Variants in PACSIN2 observed in about 807,000 individuals in gnomAD.
PACSIN2 encodes the protein protein kinase C and casein kinase substrate in neurons 2, also known as protein kinase C and casein kinase substrate in neurons protein 2.
A neutral mutation model predicts 63.8 loss-of-function variants in PACSIN2; 25 were observed. The ratio of observed to expected loss-of-function variants is 0.39; its 90% CI spans 0.29 to 0.55. PACSIN2 has a LOEUF of 0.55. Ranked by LOEUF, PACSIN2 falls within the 20% of genes least tolerant of loss-of-function variation. PACSIN2 has a pLI of 0.62. For missense variants in PACSIN2, 518 were observed against 646.9 expected (o/e 0.80, Z 2.16); for synonymous variants, 255 against 256.2 (o/e 1.00, Z 0.05).
intron 1 of PACSIN2, among the ~76,000 whole-genome samples, chr22:42,978,726 A>G (rs959831665): frequency 1.3e-5 from 2 of 152,194 alleles, no homozygotes; most frequent in Non-Finnish European, 2.9e-5. Flanking sequence ...CATATTCAAA[A>G]GTATGTTTGC....
chr22:42,915,521 A>AC, intron 1 of PACSIN2, among the ~76,000 whole-genome samples: 1 of 152,310 alleles, frequency 6.6e-6, no homozygotes, highest in African/African-American at 2.4e-5. Context: ...CCCCACGGGT[A>AC]TCCCCTGTGG....
rs548191237 is a variant in PACSIN2 at position 42,927,588 on chromosome 22, TTTAG to T, written c.-77-15435_-77-15432del. Reference sequence around the variant, plus strand: ...ATTTATTTATTTAGTTATTTAGTTATTTAGTTAGTTATTTTTGAGACTGAGTTTT... The same window carrying T: ...ATTTATTTATTTAGTTATTTAGTTATTTAGTTATTTTTGAGACTGAGTTTT... On this transcript the variant is annotated intron_variant, in intron 1 of 10. Coordinates refer to ENST00000263246, the MANE Select transcript of PACSIN2 (RefSeq NM_001184970.3). 5.0e-3 allele frequency among the ~76,000 whole-genome samples: 753 copies of T among 150,604 alleles called. 6 individuals carry two copies. The highest frequency in any genetic ancestry group is 0.018 in the African/African-American group (733 of 41,052).
chr22:42,932,952 C>T (rs80081809), intron 1 of PACSIN2, among the ~76,000 whole-genome samples: 2,585 of 152,280 alleles, frequency 0.017, 80 homozygotes, highest in African/African-American at 0.06. Flanking sequence ...ATCAGAGGAA[C>T]CAACTGTGTT....
intron 5 of PACSIN2, among the ~76,000 whole-genome samples, chr22:42,887,708 C>G (rs920206040): frequency 6.6e-6 from 1 of 152,138 alleles, no homozygotes; most frequent in Non-Finnish European, 1.5e-5. Flanking sequence ...AATCACAAGA[C>G]GATGACGCTG....
chr22:42,907,692 G>A (rs148593220), intron 2 of PACSIN2, among the ~76,000 whole-genome samples: 2 of 152,376 alleles, frequency 1.3e-5, no homozygotes, highest in Non-Finnish European at 2.9e-5. Flanking sequence ...CTTCGTGCTT[G>A]CGCTCAGGGC....
intron 10 of PACSIN2, among the ~76,000 whole-genome samples, chr22:42,873,546 T>A (rs1190606252): frequency 1.3e-5 from 2 of 152,216 alleles, no homozygotes; most frequent in Non-Finnish European, 2.9e-5. Flanking sequence ...AGGCCCTGGC[T>A]TCCCTGCTGA....
Position 42,871,297 on chromosome 22 carries a change from G to A in PACSIN2, c.*60C>T, listed in dbSNP as rs1265331438. 2.0e-6 allele frequency: 2 copies of A among 1,009,354 alleles called. No individual in the cohort carries two copies. Among genetic ancestry groups the A allele is most frequent in the Non-Finnish European group, 3.2e-6 (2 of 631,254 alleles). 62.5% of individuals were successfully genotyped at this position (1,009,354 alleles called of 1,614,324 possible). The stretch of plus-strand genomic sequence containing the variant: ...CAGGAAAAGGAGTGGATGCCCACGT[G>A]GCTGGCTGAGGCTCCTGGGCCCGCC... On this transcript the variant is annotated 3_prime_UTR_variant, in exon 11 of 11. Transcript: ENST00000263246. The surrounding 1 kb of genome is among the most constrained non-coding windows in gnomAD (Gnocchi z 5.4).
intron 1 of PACSIN2, among the ~76,000 whole-genome samples, chr22:42,949,605 G>A (rs1005397551): frequency 6.6e-6 from 1 of 151,810 alleles, no homozygotes; most frequent in Non-Finnish European, 1.5e-5. Flanking sequence ...TATCTGAGAA[G>A]CCCTGAAGAA....
At chr22:42,887,034 A>G in intron 5 of PACSIN2, among the ~76,000 whole-genome samples, 1 of 152,172 alleles carries the variant, frequency 6.6e-6, no homozygotes, top group East Asian at 1.9e-4. Flanking sequence ...CTTTTTGGGC[A>G]CCTGATTCCC....
At chr22:42,981,800 A>T (rs1922171074) in intron 1 of PACSIN2, among the ~76,000 whole-genome samples, 1 of 120,870 alleles carries the variant, frequency 8.3e-6, no homozygotes, top group South Asian at 2.9e-4. Flanking sequence ...CCGCCCGGCC[A>T]GCCGCCCAGT....
intron 1 of PACSIN2, among the ~76,000 whole-genome samples, chr22:42,968,955 C>A (rs1352171791): frequency 6.6e-6 from 1 of 152,132 alleles, no homozygotes; most frequent in Non-Finnish European, 1.5e-5. Flanking sequence ...CCAGAGTCTC[C>A]AGCTTGCAGG....
At chr22:42,946,438 C>T (rs1162310923) in intron 1 of PACSIN2, among the ~76,000 whole-genome samples, 1 of 152,226 alleles carries the variant, frequency 6.6e-6, no homozygotes, top group Non-Finnish European at 1.5e-5. Flanking sequence ...CACGGGCTCA[C>T]CCACTACTTG....
At chr22:42,970,046 A>G (rs1379858653) in intron 1 of PACSIN2, among the ~76,000 whole-genome samples, 2 of 152,164 alleles carry the variant, frequency 1.3e-5, no homozygotes, top group African/African-American at 4.8e-5. Flanking sequence ...ACCCAAATGC[A>G]TCTCCACCTG....
At chr22:42,909,367 G>A (rs1414554642) in intron 2 of PACSIN2, 1 of 357,770 alleles carries the variant, frequency 2.8e-6, no homozygotes, top group African/African-American at 2.2e-5. Flanking sequence ...TCCACCTCAA[G>A]ACCACAAGGC....
chr22:42,926,234 G>A (rs1298049016), intron 1 of PACSIN2, among the ~76,000 whole-genome samples: 4 of 152,192 alleles, frequency 2.6e-5, no homozygotes, highest in Non-Finnish European at 5.9e-5. Flanking sequence ...CTTGCGCATT[G>A]CAAGATGCTT....
intron 1 of PACSIN2, among the ~76,000 whole-genome samples, chr22:42,930,209 C>G (rs943919827): frequency 1.3e-5 from 2 of 152,224 alleles, no homozygotes; most frequent in African/African-American, 2.4e-5. Flanking sequence ...CCTCTGGACT[C>G]TGCAGATGAG....
intron 4 of PACSIN2, among the ~76,000 whole-genome samples, chr22:42,890,414 CA>C (rs374449145): frequency 1.3e-5 from 2 of 152,014 alleles, no homozygotes; most frequent in African/African-American, 4.8e-5. Context: ...CCTCAGTTAC[CA>C]AATCTGTAAA....
intron 1 of PACSIN2, among the ~76,000 whole-genome samples, chr22:42,936,193 G>A (rs1349434347): frequency 6.7e-6 from 1 of 149,196 alleles, no homozygotes; most frequent in Admixed American, 6.7e-5. Context: ...TCCAGCCTGG[G>A]CGGCAGAGCG....
intron 2 of PACSIN2, among the ~76,000 whole-genome samples, chr22:42,902,741 G>C (rs1395036653): frequency 6.6e-6 from 1 of 152,142 alleles, no homozygotes; most frequent in African/African-American, 2.4e-5. Context: ...AGCCTCCCAA[G>C]TAGCTGGGAT....
Sources: allele counts gnomAD v4.1 joint callset (sites outside exome capture counted in the v4.1 genomes callset), GRCh38; gene constraint gnomAD v4.1.1; non-coding constraint Gnocchi (gnomAD v3.1); transcripts MANE v1.5; gene names NCBI Gene and HGNC (gene_info 2026-07-23, HGNC 2026-07-21).